The following PDE4D variants were observed in gnomAD, a reference collection of about 807,000 sequenced individuals.
PDE4D encodes the protein phosphodiesterase 4D.
PDE4D carries 24 observed loss-of-function variants against 87.4 expected under a neutral mutation model. The ratio of observed to expected loss-of-function variants is 0.27; its 90% CI spans 0.20 to 0.39. The LOEUF (loss-of-function observed/expected upper bound fraction) is 0.39, where lower values mean the gene tolerates loss of function less well. Ranked by LOEUF, PDE4D falls within the 10% of genes least tolerant of loss-of-function variation. PDE4D has a pLI of 1.00. For missense variants in PDE4D, 714 were observed against 1,041.0 expected (o/e 0.69, Z 4.32); for synonymous variants, 384 against 383.2 (o/e 1.00, Z -0.02).
chr5:59,779,890 A>G (rs1764436250), intron 1 of PDE4D, among the ~76,000 whole-genome samples: 1 of 152,228 alleles, frequency 6.6e-6, no homozygotes, highest in Non-Finnish European at 1.5e-5. Context: ...AAATTTTAAT[A>G]GAAACTGCCA....
chr5:60,056,524 G>A (rs566779342), intron 2 of PDE4D, among the ~76,000 whole-genome samples: 1 of 152,156 alleles, frequency 6.6e-6, no homozygotes, highest in East Asian at 1.9e-4. Flanking sequence ...TAGCATATAT[G>A]TGGAGGGGAG....
intron 1 of PDE4D, among the ~76,000 whole-genome samples, chr5:60,370,878 T>C (rs1275171302): frequency 6.6e-6 from 1 of 152,022 alleles, no homozygotes; most frequent in Non-Finnish European, 1.5e-5. Flanking sequence ...AAGGCGATTT[T>C]AGTAAATACA....
intron 1 of PDE4D, among the ~76,000 whole-genome samples, chr5:59,481,408 C>T (rs1804231051): frequency 1.3e-5 from 2 of 151,860 alleles, no homozygotes; most frequent in Non-Finnish European, 2.9e-5. Context: ...GAAGCCTAGT[C>T]TGCAGTTGGT....
At chr5:60,252,530 G>C (rs952424005) in intron 1 of PDE4D, among the ~76,000 whole-genome samples, 1 of 151,410 alleles carries the variant, frequency 6.6e-6, no homozygotes, top group Non-Finnish European at 1.5e-5. Context: ...TGATAAACTA[G>C]GGTCAGTAGG....
chr5:59,573,776 T>C (rs1240132618), intron 1 of PDE4D, among the ~76,000 whole-genome samples: 7 of 151,436 alleles, frequency 4.6e-5, no homozygotes, highest in Non-Finnish European at 8.8e-5. Flanking sequence ...GATGGGTGGA[T>C]CACCTGGGGT....
chr5:59,453,532 T>C (rs1344046754), intron 1 of PDE4D, among the ~76,000 whole-genome samples: 1 of 152,132 alleles, frequency 6.6e-6, no homozygotes, highest in Non-Finnish European at 1.5e-5. Flanking sequence ...TGATAAGAAA[T>C]TGAAACAGCC....
chr5:59,921,314 G>A (rs1754649917), intron 3 of PDE4D, among the ~76,000 whole-genome samples: 1 of 151,884 alleles, frequency 6.6e-6, no homozygotes, highest in Non-Finnish European at 1.5e-5. Flanking sequence ...ACAGCATAAT[G>A]GCCATTCATA....
chr5:59,262,874 C>A (rs910271923), intron 1 of PDE4D, among the ~76,000 whole-genome samples: 1 of 151,844 alleles, frequency 6.6e-6, no homozygotes, highest in Non-Finnish European at 1.5e-5. Context: ...TAGTTTATGA[C>A]ACGAGAAGAG....
chr5:59,964,818 T>G (rs923735895), intron 3 of PDE4D, among the ~76,000 whole-genome samples: 6 of 152,250 alleles, frequency 3.9e-5, no homozygotes, highest in African/African-American at 1.4e-4. Context: ...CTTAATTGGT[T>G]TAGCATTACC....
At chr5:59,217,726 G>C (rs536483633) in intron 1 of PDE4D, among the ~76,000 whole-genome samples, 24 of 152,282 alleles carry the variant, frequency 1.6e-4, no homozygotes, top group African/African-American at 5.8e-4. Flanking sequence ...AGTCCTTCCA[G>C]CTCTACTGCA....
chr5:60,462,169 CT>C (rs1746997610), intron 1 of PDE4D, among the ~76,000 whole-genome samples: 1 of 152,164 alleles, frequency 6.6e-6, no homozygotes, highest in East Asian at 1.9e-4. Context: ...AACTTCCCTT[CT>C]AGACTCTTCC....
At chr5:60,055,980 C>CTAAT (rs1562034789) in intron 2 of PDE4D, among the ~76,000 whole-genome samples, 1 of 151,972 alleles carries the variant, frequency 6.6e-6, no homozygotes, top group Non-Finnish European at 1.5e-5. Flanking sequence ...GATATAGGTA[C>CTAAT]TAATAAAAGA....
chr5:59,439,331 A>T (rs1293622540), intron 1 of PDE4D, among the ~76,000 whole-genome samples: 1 of 145,620 alleles, frequency 6.9e-6, no homozygotes, highest in African/African-American at 2.6e-5. Context: ...CTGCACTCCA[A>T]CCTGGGTGAC....
At chr5:59,686,897 T>G (rs1749965031) in intron 1 of PDE4D, among the ~76,000 whole-genome samples, 1 of 152,152 alleles carries the variant, frequency 6.6e-6, no homozygotes, top group African/African-American at 2.4e-5. Context: ...GGCATGTTAC[T>G]CAACATATAA....
intron 1 of PDE4D, among the ~76,000 whole-genome samples, chr5:59,830,744 C>T (rs1741063237): frequency 6.6e-6 from 1 of 152,012 alleles, no homozygotes; most frequent in Non-Finnish European, 1.5e-5. Flanking sequence ...GTAAAGTGCA[C>T]ATTCTTATTT....
chr5:59,448,374 C>T (rs1281183680), intron 1 of PDE4D, among the ~76,000 whole-genome samples: 2 of 152,186 alleles, frequency 1.3e-5, no homozygotes, highest in Non-Finnish European at 2.9e-5. Flanking sequence ...ACACCTGTCT[C>T]TTCCCATTGT....
intron 1 of PDE4D, among the ~76,000 whole-genome samples, chr5:59,400,399 G>A (rs1237331558): frequency 2.1e-5 from 3 of 145,656 alleles, no homozygotes; most frequent in Non-Finnish European, 3.0e-5. Context: ...AATACTATGC[G>A]GCCATAAAAA....
In PDE4D at chr5:59,800,253, A is replaced by G. The variant is rs116189255; in HGVS notation, c.455+92915T>C. On this transcript the variant is annotated intron_variant, in intron 1 of 14. Coordinates refer to ENST00000340635, the MANE Select transcript of PDE4D (RefSeq NM_001104631.2). ...ACAATGGAACATGTGCGACAATACT[A>G]ACTAAACACTACCATCTAGTGGCCA... 3.0e-3 allele frequency among the ~76,000 whole-genome samples: 456 copies of G among 152,188 alleles called. 3 individuals carry two copies. Among genetic ancestry groups the G allele is most frequent in the African/African-American group, 0.011 (444 of 41,532 alleles).
chr5:59,007,115 T>C (rs1013060826), intron 6 of PDE4D, among the ~76,000 whole-genome samples: 1 of 152,228 alleles, frequency 6.6e-6, no homozygotes, highest in East Asian at 1.9e-4. Context: ...GTTTGAAATA[T>C]TTAAGAAATA....
Sources: allele counts gnomAD v4.1 joint callset (sites outside exome capture counted in the v4.1 genomes callset), GRCh38; gene constraint gnomAD v4.1.1; transcripts MANE v1.5; gene names NCBI Gene and HGNC (gene_info 2026-07-23, HGNC 2026-07-21).